LOC128462377: variants seen among roughly 807,000 people sequenced by gnomAD.
chr16:89,391,138 G>C, the LOC128462377 span, among the ~76,000 whole-genome samples: 1 of 150,500 alleles, frequency 6.6e-6, no homozygotes, highest in African/African-American at 2.4e-5. Context: ...TGAAGCAGGA[G>C]AATGGTGTGA....
chr16:89,394,488 C>T, the LOC128462377 span, among the ~76,000 whole-genome samples: 2 of 152,042 alleles, frequency 1.3e-5, no homozygotes, highest in East Asian at 1.9e-4. Context: ...ATTAGCTGTG[C>T]GTGGTGGCAG....
chr16:89,324,080 G>T, the LOC128462377 span, among the ~76,000 whole-genome samples: 1 of 152,212 alleles, frequency 6.6e-6, no homozygotes, highest in Non-Finnish European at 1.5e-5. Context: ...TCCATCTCTT[G>T]ACCTCATGAT....
At chr16:89,334,240 C>G in the LOC128462377 span, among the ~76,000 whole-genome samples, 9 of 151,280 alleles carry the variant, frequency 5.9e-5, no homozygotes, top group Non-Finnish European at 1.3e-4. Context: ...ATGTCTGATG[C>G]CTGGCCTAGC....
the LOC128462377 span, among the ~76,000 whole-genome samples, chr16:89,345,994 C>T: frequency 1.3e-3 from 197 of 152,168 alleles, no homozygotes; most frequent in Middle Eastern, 6.8e-3. Flanking sequence ...GTAATCCCAG[C>T]ACTTTGGGAG....
the LOC128462377 span, among the ~76,000 whole-genome samples, chr16:89,326,879 G>A: frequency 6.6e-5 from 10 of 152,316 alleles, no homozygotes; most frequent in East Asian, 9.7e-4. Context: ...GGTGGCATCC[G>A]GGCACATCTG....
the LOC128462377 span, among the ~76,000 whole-genome samples, chr16:89,376,828 G>A: frequency 1.3e-5 from 2 of 152,182 alleles, no homozygotes; most frequent in Admixed American, 6.5e-5. Context: ...AAAGAGAAGC[G>A]AGCACTGGGA....
the LOC128462377 span, among the ~76,000 whole-genome samples, chr16:89,390,471 A>G: frequency 6.6e-6 from 1 of 152,214 alleles, no homozygotes; most frequent in African/African-American, 2.4e-5. Context: ...GGTGGAGGGC[A>G]GAAAAAAATA....
At chr16:89,384,874 GTTTTCTTTTTTTTTT>G in the LOC128462377 span, among the ~76,000 whole-genome samples, 2 of 72,770 alleles carry the variant, frequency 2.7e-5, no homozygotes, top group African/African-American at 1.1e-4. Context: ...ATGAGAAATA[GTTTTCTTTTTTTTTT>G]TTTTTTTTTT....
chr16:89,368,372 T>TG, the LOC128462377 span, among the ~76,000 whole-genome samples: 7 of 3,482 alleles, frequency 2.0e-3, no homozygotes, highest in South Asian at 6.3e-3. Flanking sequence ...AATTTTTGTG[T>TG]TTTTTTTTTT....
the LOC128462377 span, among the ~76,000 whole-genome samples, chr16:89,341,443 C>A: frequency 1.3e-5 from 2 of 152,224 alleles, no homozygotes; most frequent in African/African-American, 2.4e-5. Context: ...AGCTTCCCAG[C>A]CTTCCAGAAG....
the LOC128462377 span, chr16:89,392,597 A>C: frequency 6.6e-6 from 1 of 151,866 alleles, no homozygotes. Context: ...GTGTTGAAGC[A>C]GACCTGTCTT....
chr16:89,382,863 A>C, the LOC128462377 span, among the ~76,000 whole-genome samples: 6 of 151,848 alleles, frequency 4.0e-5, no homozygotes, highest in African/African-American at 1.5e-4. Flanking sequence ...TTTTTGAGAC[A>C]GAGTTTCACT....
At chr16:89,390,365 GAGCAC>G in the LOC128462377 span, among the ~76,000 whole-genome samples, 18 of 152,114 alleles carry the variant, frequency 1.2e-4, no homozygotes, top group African/African-American at 3.6e-4. Context: ...GTGTGGCGGG[GAGCAC>G]TGAGAGAGAG....
At chr16:89,386,032 G>A in the LOC128462377 span, among the ~76,000 whole-genome samples, 60 of 152,202 alleles carry the variant, frequency 3.9e-4, no homozygotes, top group Non-Finnish European at 6.2e-4. Flanking sequence ...GGTGTGCGCC[G>A]CCATGCCCGC....
At chr16:89,374,023 A>T in the LOC128462377 span, among the ~76,000 whole-genome samples, 6 of 152,248 alleles carry the variant, frequency 3.9e-5, no homozygotes, top group Non-Finnish European at 7.3e-5. Flanking sequence ...GGAGCTCCGC[A>T]CTTCTGCAAA....
At chr16:89,344,920 T>A in the LOC128462377 span, among the ~76,000 whole-genome samples, 3 of 152,184 alleles carry the variant, frequency 2.0e-5, no homozygotes, top group Non-Finnish European at 4.4e-5. Context: ...AGGCTCCTTG[T>A]AGAAAATACC....
chr16:89,413,583 C>A, the LOC128462377 span, among the ~76,000 whole-genome samples: 1 of 152,236 alleles, frequency 6.6e-6, no homozygotes, highest in African/African-American at 2.4e-5. Flanking sequence ...CGAGGTCGCA[C>A]CACTGCACTC....
the LOC128462377 span, among the ~76,000 whole-genome samples, chr16:89,389,892 C>T: frequency 2.5e-5 from 3 of 118,934 alleles, no homozygotes; most frequent in Non-Finnish European, 3.4e-5. Flanking sequence ...CCGAGTGTGG[C>T]GGGGAGCACC....
the LOC128462377 span, among the ~76,000 whole-genome samples, chr16:89,380,681 G>T: frequency 1.3e-5 from 2 of 152,222 alleles, no homozygotes; most frequent in African/African-American, 4.8e-5. Flanking sequence ...AGAAATAAAT[G>T]AAGGAAAGCC....
Sources: gnomAD v4.1 joint callset for allele counts (sites outside exome capture counted in the v4.1 genomes callset) on GRCh38, gnomAD v4.1.1 for gene constraint, MANE v1.5 for transcripts.